TMPRSS15: variants seen among roughly 807,000 people sequenced by gnomAD.
The protein encoded by TMPRSS15 is transmembrane serine protease 15, also known as enteropeptidase.
In TMPRSS15, 128 loss-of-function variants were observed where a neutral mutation model predicts 125.3. The observed-to-expected ratio is 1.02, with a 90% CI of 0.89 to 1.18. The LOEUF (loss-of-function observed/expected upper bound fraction) is 1.18, where lower values mean the gene tolerates loss of function less well. Among genes scored for constraint, TMPRSS15 ranks in the 50% most tolerant of loss-of-function variants. TMPRSS15 has a pLI of 0.00. For synonymous variants in TMPRSS15, 446 were observed against 423.2 expected, an observed-to-expected ratio of 1.05 and a Z score of -0.66; for missense variants, 1,283 against 1,212.7, an observed-to-expected ratio of 1.06 and a Z score of -0.86.
intron 13 of TMPRSS15, among the ~76,000 whole-genome samples, chr21:18,335,003 A>G (rs2075378590): frequency 6.6e-6 from 1 of 152,214 alleles, no homozygotes; most frequent in Admixed American, 6.5e-5. Flanking sequence ...AGGAACAACA[A>G]TGGAGAACAA....
At chr21:18,484,667 A>C (rs1202625884) in intron 1 of TMPRSS15, among the ~76,000 whole-genome samples, 1 of 151,848 alleles carries the variant, frequency 6.6e-6, no homozygotes, top group Non-Finnish European at 1.5e-5. Context: ...CCACAGTACC[A>C]TTTATTAAAA....
At chr21:18,358,466 T>C (rs529447094) in intron 8 of TMPRSS15, among the ~76,000 whole-genome samples, 1 of 152,058 alleles carries the variant, frequency 6.6e-6, no homozygotes, top group East Asian at 1.9e-4. Flanking sequence ...TTTATGTTGA[T>C]CATAATTTTA....
intron 16 of TMPRSS15, among the ~76,000 whole-genome samples, chr21:18,315,984 C>T (rs996825530): frequency 6.7e-5 from 10 of 148,614 alleles, no homozygotes; most frequent in African/African-American, 2.5e-4. Flanking sequence ...AACAAACCTG[C>T]ATGTTGTGTA....
chr21:18,329,027 C>A, intron 15 of TMPRSS15, 142 bp downstream of exon 15: 1 of 895,630 alleles, frequency 1.1e-6, no homozygotes, highest in South Asian at 1.5e-5. Flanking sequence ...TTGTAAGTTC[C>A]ACATAAACTC....
At chr21:18,329,768 A>T (rs1462746689) in intron 14 of TMPRSS15, among the ~76,000 whole-genome samples, 1 of 151,752 alleles carries the variant, frequency 6.6e-6, no homozygotes, top group African/African-American at 2.4e-5. Context: ...CATTAAAAAA[A>T]CAAAATAAAA....
At chr21:18,286,360 A>T (rs2074764501) in intron 21 of TMPRSS15, among the ~76,000 whole-genome samples, 1 of 152,204 alleles carries the variant, frequency 6.6e-6, no homozygotes, top group Non-Finnish European at 1.5e-5. Flanking sequence ...TTTGTATTTT[A>T]ATTCTTGACT....
chr21:18,335,672 T>A (rs1402320748), intron 13 of TMPRSS15, among the ~76,000 whole-genome samples: 1 of 152,202 alleles, frequency 6.6e-6, no homozygotes, highest in African/African-American at 2.4e-5. Flanking sequence ...ATAAAATAGA[T>A]CAGTTACTCT....
At chr21:18,429,020 A>C (rs181506606) in intron 1 of TMPRSS15, among the ~76,000 whole-genome samples, 128 of 152,308 alleles carry the variant, frequency 8.4e-4, no homozygotes, top group African/African-American at 3.0e-3. Context: ...GAGCTGCCCA[A>C]GACCATGGGA....
chr21:18,326,170 A>G (rs1216078312), intron 16 of TMPRSS15, among the ~76,000 whole-genome samples: 2 of 152,172 alleles, frequency 1.3e-5, no homozygotes, highest in Admixed American at 1.3e-4. Context: ...GGCCCTCTTC[A>G]ATGAACAAAA....
intron 10 of TMPRSS15, among the ~76,000 whole-genome samples, chr21:18,346,890 T>C (rs933930597): frequency 1.3e-5 from 2 of 152,214 alleles, no homozygotes; most frequent in Non-Finnish European, 2.9e-5. Flanking sequence ...CAAATACAAA[T>C]ACAGTCTGAT....
intron 1 of TMPRSS15, among the ~76,000 whole-genome samples, chr21:18,457,374 C>A (rs914184878): frequency 3.1e-4 from 47 of 152,100 alleles, no homozygotes; most frequent in African/African-American, 8.9e-4. Flanking sequence ...CCCCAACTTC[C>A]TTGGGAGAAA....
At chr21:18,424,972 TATG>T (rs1488758317) in intron 1 of TMPRSS15, among the ~76,000 whole-genome samples, 3 of 149,754 alleles carry the variant, frequency 2.0e-5, no homozygotes, top group East Asian at 1.9e-4. Context: ...TATGAATACA[TATG>T]ATATAATAAT....
intron 15 of TMPRSS15, among the ~76,000 whole-genome samples, chr21:18,328,104 A>G (rs925127589): frequency 6.6e-6 from 1 of 152,118 alleles, no homozygotes; most frequent in Non-Finnish European, 1.5e-5. Flanking sequence ...CATATTAGCT[A>G]TTATGTTTGA....
At chr21:18,405,930 A>G (rs2076150495), upstream of TMPRSS15, among the ~76,000 whole-genome samples, 1 of 152,152 alleles carries the variant, frequency 6.6e-6, no homozygotes, top group African/African-American at 2.4e-5. Flanking sequence ...TTTTTAAAAC[A>G]AAGTGTATCT....
In TMPRSS15 at chr21:18,272,156, G is replaced by C. The variant is rs573732660; in HGVS notation, c.2905-2032C>G. ...GAATTGCCACGCTGTCTTCCACAATGGTTGAACTAATTTACATTCCCACCA... is the reference window on the plus strand; with the variant it reads ...GAATTGCCACGCTGTCTTCCACAATCGTTGAACTAATTTACATTCCCACCA... On this transcript the variant is annotated intron_variant, in intron 24 of 24. Coordinates refer to ENST00000284885, the MANE Select transcript of TMPRSS15 (RefSeq NM_002772.3). Among the ~76,000 whole-genome samples, 12 of 152,264 alleles carry C rather than the reference G, an allele frequency of 7.9e-5. No homozygotes were observed. The East Asian group carries it at 2.1e-3, about 27-fold the overall frequency.
In TMPRSS15 at chr21:18,447,349, A is replaced by G. The variant is rs1386065683; in HGVS notation, c.10+38450T>C. ...CAGCTACTTGGGAGGCTGAGACAGG[A>G]GAATTGCTTGAACCCGGGAGGCAGA... On this transcript the variant is annotated intron_variant, in intron 1 of 7. Transcript: ENST00000422787. Among the ~76,000 whole-genome samples the G allele has an allele frequency of 3.8e-4, 57 of 148,928 alleles. 2 individuals carry two copies. Among genetic ancestry groups the G allele is most frequent in the Admixed American group, 3.8e-3 (56 of 14,694 alleles).
intron 5 of TMPRSS15, among the ~76,000 whole-genome samples, chr21:18,372,794 G>A (rs1189055496): frequency 6.6e-6 from 1 of 152,186 alleles, no homozygotes; most frequent in African/African-American, 2.4e-5. Flanking sequence ...CACCCCTGCG[G>A]GGTTTCATGC....
In TMPRSS15 at chr21:18,359,842, A is replaced by T; in HGVS notation, c.795T>A (p.Ile265=). 1 of 1,520,164 alleles carries T rather than the reference A, an allele frequency of 6.6e-7. No individual in the cohort carries two copies. The highest frequency in any genetic ancestry group is 9.1e-7 in the Non-Finnish European group (1 of 1,096,612). 94.2% of individuals were successfully genotyped at this position (1,520,164 alleles called of 1,614,324 possible). ...WIIRVNQGLS[I]KLSFDDFNTY... ...TATTAAAATCATCGAAGCTCAGTTTAATGGAAAGTCCTTGGTTTACACTAA... is the reference window on the plus strand; with the variant it reads ...TATTAAAATCATCGAAGCTCAGTTTTATGGAAAGTCCTTGGTTTACACTAA... Residue 265 remains isoleucine, a synonymous_variant, in exon 8 of 25, where the codon ATT becomes ATA. Transcript: ENST00000284885.
At chr21:18,427,244 G>A (rs189088564) in intron 1 of TMPRSS15, among the ~76,000 whole-genome samples, 6 of 152,194 alleles carry the variant, frequency 3.9e-5, no homozygotes, top group African/African-American at 1.2e-4. Context: ...AAATCTACCC[G>A]CTCCTTGCTC....
Sources: gnomAD v4.1 joint callset for allele counts (sites outside exome capture counted in the v4.1 genomes callset) on GRCh38, gnomAD v4.1.1 for gene constraint, MANE v1.5 for transcripts, NCBI Gene and HGNC (gene_info 2026-07-23, HGNC 2026-07-21) for gene names.